SPTBN1: variants seen among roughly 807,000 people sequenced by gnomAD.
SPTBN1 encodes spectrin beta, non-erythrocytic 1.
In SPTBN1, 32 loss-of-function variants were observed where a neutral mutation model predicts 266.4. That is an observed-to-expected ratio of 0.12 (90% CI 0.09 to 0.16). The LOEUF (loss-of-function observed/expected upper bound fraction) is 0.16, where lower values mean the gene tolerates loss of function less well. Ranked by LOEUF, SPTBN1 falls within the 10% of genes least tolerant of loss-of-function variation. The pLI, the probability that SPTBN1 is intolerant of heterozygous loss-of-function variation, is 1.00. For synonymous variants in SPTBN1, 1,336 were observed against 1,162.2 expected, an observed-to-expected ratio of 1.15 and a Z score of -3.04; for missense variants, 2,296 against 3,067.1, an observed-to-expected ratio of 0.75 and a Z score of 5.94.
chr2:54,563,892 T>G (rs1573422980), intron 2 of SPTBN1, among the ~76,000 whole-genome samples: 1 of 152,328 alleles, frequency 6.6e-6, no homozygotes, highest in East Asian at 1.9e-4. Context: ...CAAGGGTAGC[T>G]ATTCTCGAAC....
At chr2:54,615,574 A>G (rs185761534) in intron 4 of SPTBN1, among the ~76,000 whole-genome samples, 2 of 152,210 alleles carry the variant, frequency 1.3e-5, no homozygotes, top group Non-Finnish European at 1.5e-5. Context: ...AGCCACTGTC[A>G]TTATTTCCAT....
chr2:54,546,413 G>A (rs968283115), intron 2 of SPTBN1: 1 of 152,144 alleles, frequency 6.6e-6, no homozygotes, highest in Non-Finnish European at 1.5e-5. Flanking sequence ...TATACATGTA[G>A]GCATTCTCCT....
intron 1 of SPTBN1, among the ~76,000 whole-genome samples, chr2:54,517,464 A>T (rs1321625392): frequency 6.6e-6 from 1 of 152,224 alleles, no homozygotes; most frequent in Non-Finnish European, 1.5e-5. Context: ...GGGAAATATT[A>T]CTATACTCTG....
chr2:54,577,478 T>A (rs1368444956), intron 2 of SPTBN1, among the ~76,000 whole-genome samples: 2 of 152,196 alleles, frequency 1.3e-5, no homozygotes, highest in Non-Finnish European at 2.9e-5. Flanking sequence ...TGGATTCTCA[T>A]GCAAAGAGAG....
chr2:54,671,378 CTA>C lies in SPTBN1; in HGVS notation c.*2811_*2812del, dbSNP rs1292828160. On this transcript the variant is annotated 3_prime_UTR_variant, in exon 36 of 36. Transcript: ENST00000356805. ...TTAGAATTGCTTGTGTATGGGGATC[CTA>C]TGTTAGTTCCCCTGGATACATTGTT... 2.0e-5 allele frequency: 3 copies of C among 152,148 alleles called. No individual in the cohort carries two copies. Among genetic ancestry groups the C allele is most frequent in the Admixed American group, 2.0e-4 (3 of 15,270 alleles). 9.4% of individuals were successfully genotyped at this position (152,148 alleles called of 1,614,324 possible).
rs1243312972 is a variant in SPTBN1 at position 54,669,525 on chromosome 2, C to G, written c.*956C>G. 4 of 152,660 alleles carry G rather than the reference C, an allele frequency of 2.6e-5. No individual in the cohort carries two copies. In the East Asian group the frequency reaches 7.7e-4, roughly 29 times the overall value. The allele number at this position is 152,660 out of a possible 1,614,324, so 9.5% of individuals were successfully genotyped here. A position where few individuals can be genotyped will look rare whatever the true frequency, so the allele number is the denominator to read the frequency against. ...ACAAATTTTCATCTTACTGCACAAT[C>G]AAAATGACATTGATAGGAATGAACT... On this transcript the variant is annotated 3_prime_UTR_variant, in exon 36 of 36. Transcript: ENST00000356805.
chr2:54,597,604 C>G (rs1437294372), intron 2 of SPTBN1, among the ~76,000 whole-genome samples: 1 of 152,186 alleles, frequency 6.6e-6, no homozygotes, highest in East Asian at 1.9e-4. Context: ...CCAGCTGATT[C>G]TCCTGCCAGG....
intron 4 of SPTBN1, among the ~76,000 whole-genome samples, chr2:54,615,533 T>C (rs1440643241): frequency 1.3e-5 from 2 of 152,210 alleles, no homozygotes; most frequent in African/African-American, 4.8e-5. Flanking sequence ...CTTTATTATA[T>C]CATTTAAGTG....
rs758379398 is a variant in SPTBN1, at chr2:54,664,440, C to A, written c.6421-13C>A. The stretch of plus-strand genomic sequence containing the variant: ...TCACGGAGTTAGCTGAATGGCCTCT[C>A]CGCTGTCCCTAGATGGCAGAAACGG... On this transcript the variant is annotated splice_polypyrimidine_tract_variant and intron_variant, in intron 32 of 35. Coordinates refer to ENST00000356805, the MANE Select transcript of SPTBN1 (RefSeq NM_003128.3). This position sits in a 1 kb window ranked among gnomAD's most constrained non-coding sequence, Gnocchi z 5.6. 2.5e-6 allele frequency: 4 copies of A among 1,606,086 alleles called. No individual in the cohort carries two copies. Among genetic ancestry groups the A allele is most frequent in the East Asian group, 2.2e-5 (1 of 44,660 alleles).
chr2:54,578,210 C>T (rs1222874066), intron 2 of SPTBN1, among the ~76,000 whole-genome samples: 1 of 152,176 alleles, frequency 6.6e-6, no homozygotes, highest in African/African-American at 2.4e-5. Context: ...ACTGCTGCAT[C>T]GTTGAGCATT....
At position 54,629,365 on chromosome 2, in the gene SPTBN1, C is replaced by G; in HGVS notation, c.2231C>G (p.Ser744Cys). The G allele has an allele frequency of 6.2e-7, 1 of 1,614,080 alleles. No homozygotes were observed. The highest frequency in any genetic ancestry group is 1.1e-5 in the South Asian group (1 of 91,084). The change falls in exon 14 of 36, where the codon TCC becomes TGC. Residue 744 changes from serine (S) to cysteine (C), a missense_variant. Transcript: ENST00000356805. ...AIRKKRLEEA[S>C]LLHQFQADAD... ...CGGAAGAAGCGCCTGGAGGAGGCCT[C>G]CCTGCTGCACCAGTTCCAGGCAGAT...
At chr2:54,647,291 G>A (rs375701356) in intron 24 of SPTBN1, 30 bp downstream of exon 24, 30 of 1,609,552 alleles carry the variant, frequency 1.9e-5, no homozygotes, top group African/African-American at 1.5e-4. Context: ...TGTGAGACCC[G>A]GCTCTCGATT....
intron 1 of SPTBN1, among the ~76,000 whole-genome samples, chr2:54,516,750 A>C (rs1362548918): frequency 6.6e-6 from 1 of 152,196 alleles, no homozygotes; most frequent in Non-Finnish European, 1.5e-5. Flanking sequence ...TTATTTTGTC[A>C]AGGTTAGGGA....
Position 54,629,534 on chromosome 2 carries a change from T to G in SPTBN1, c.2400T>G (p.Leu800=), listed in dbSNP as rs750842382. ...AEEIANYRPT[L]DTLHEQASAL... The stretch of plus-strand genomic sequence containing the variant: ...AGATCGCCAATTACAGGCCCACCCT[T>G]GACACGCTGCACGAACAAGCCAGCG... The change falls in exon 14 of 36, where the codon CTT becomes CTG. Residue 800 remains leucine (L), a synonymous_variant. Transcript: ENST00000356805. The G allele has an allele frequency of 1.9e-6, 3 of 1,613,956 alleles. No individual in the cohort carries two copies. In the African/African-American group the frequency reaches 4.0e-5, roughly 22 times the overall value.
At chr2:54,472,219 G>C (rs887912842) in intron 1 of SPTBN1, among the ~76,000 whole-genome samples, 2 of 151,848 alleles carry the variant, frequency 1.3e-5, no homozygotes, top group Admixed American at 6.6e-5. Context: ...AGTAGAGACA[G>C]GGTTTCACCA....
intron 2 of SPTBN1, among the ~76,000 whole-genome samples, chr2:54,575,538 G>A (rs1674402112): frequency 6.6e-6 from 1 of 152,204 alleles, no homozygotes; most frequent in Non-Finnish European, 1.5e-5. Flanking sequence ...AAGTAACTAA[G>A]GTAAAATTGC....
In SPTBN1 at chr2:54,589,609, G is replaced by A. The variant is rs186302588; in HGVS notation, c.149-9483G>A. Reference sequence around the variant, plus strand: ...TCCATGATGCAAGTTAAACAGTTAAGGAAACTATTGTAACTCAAATTCTAT... The same window carrying A: ...TCCATGATGCAAGTTAAACAGTTAAAGAAACTATTGTAACTCAAATTCTAT... On this transcript the variant is annotated intron_variant, in intron 2 of 35. Coordinates refer to ENST00000356805, the MANE Select transcript of SPTBN1 (RefSeq NM_003128.3). Among the ~76,000 whole-genome samples, 34 of 152,292 alleles carry A rather than the reference G, an allele frequency of 2.2e-4. No homozygotes were observed. The East Asian group carries it at 4.4e-3, about 20-fold the overall frequency.
chr2:54,642,718 G>C (rs906617037), intron 18 of SPTBN1, among the ~76,000 whole-genome samples: 1 of 152,134 alleles, frequency 6.6e-6, no homozygotes, highest in Non-Finnish European at 1.5e-5. Context: ...AGTTATGAGT[G>C]CCAAACAGTT....
chr2:54,594,545 C>T (rs1414413322), intron 2 of SPTBN1, among the ~76,000 whole-genome samples: 4 of 152,028 alleles, frequency 2.6e-5, no homozygotes, highest in Admixed American at 6.6e-5. Context: ...ACAAATTCCC[C>T]GTAGATACTG....
Sources: allele counts gnomAD v4.1 joint callset (sites outside exome capture counted in the v4.1 genomes callset), GRCh38; gene constraint gnomAD v4.1.1; non-coding constraint Gnocchi (gnomAD v3.1); transcripts MANE v1.5; gene names NCBI Gene and HGNC (gene_info 2026-07-23, HGNC 2026-07-21).